The following FGFR2 variants were observed in gnomAD, a reference collection of about 807,000 sequenced individuals.
FGFR2 encodes fibroblast growth factor receptor 2, also known as BEK fibroblast growth factor receptor.
FGFR2 carries 19 observed loss-of-function variants against 95.9 expected under a neutral mutation model. The ratio of observed to expected loss-of-function variants is 0.20; its 90% confidence interval spans 0.14 to 0.29. The LOEUF is 0.29. Among genes scored for constraint, FGFR2 ranks in the 10% least tolerant of loss-of-function variants. The probability of loss-of-function intolerance (pLI) is 1.00; values close to 1 mark genes in which losing one functional copy is unlikely to be tolerated. For synonymous variants in FGFR2, 392 were observed against 393.3 expected (o/e 1.00, Z 0.04); for missense variants, 707 against 1,056.9 (o/e 0.67, Z 4.59).
rs781352732 is a variant in FGFR2, at chr10:121,500,820, G to A, written c.1561+6C>T. On this transcript the variant is annotated splice_donor_region_variant and intron_variant, in intron 11 of 17. Coordinates refer to ENST00000358487, the MANE Select transcript of FGFR2 (RefSeq NM_000141.5). ...CCCTCCCCGAGCCTCCCGCCTCCCC[G>A]CTCACCTTTCAACATCTTCACGGCC... The A allele has an allele frequency of 1.5e-5, 24 of 1,612,672 alleles. No individual in the cohort carries two copies. Among genetic ancestry groups the A allele is most frequent in the Admixed American group, 1.0e-4 (6 of 59,978 alleles).
At chr10:121,481,020 G>A (rs534480148) in intron 17 of FGFR2, among the ~76,000 whole-genome samples, 7 of 152,076 alleles carry the variant, frequency 4.6e-5, no homozygotes, top group Non-Finnish European at 7.4e-5. Context: ...AATTTTACTA[G>A]AAGACAGACT....
At chr10:121,590,411 T>C (rs908769407) in intron 2 of FGFR2, among the ~76,000 whole-genome samples, 2 of 152,180 alleles carry the variant, frequency 1.3e-5, no homozygotes, top group African/African-American at 4.8e-5. Flanking sequence ...ATCAACAGAA[T>C]AGTACTTGGC....
At chr10:121,544,968 C>A (rs1364019474) in intron 5 of FGFR2, among the ~76,000 whole-genome samples, 1 of 152,126 alleles carries the variant, frequency 6.6e-6, no homozygotes, top group Non-Finnish European at 1.5e-5. Flanking sequence ...CCAAGTGAGA[C>A]CCCGTCTCTA....
At position 121,565,061 on chromosome 10, in the gene FGFR2, G is replaced by A. The variant is rs1262948395; in HGVS notation, c.376+377C>T. Among the ~76,000 whole-genome samples the A allele has an allele frequency of 4.6e-5, 7 of 150,982 alleles. No homozygotes were observed. The East Asian group carries it at 1.2e-3, about 25-fold the overall frequency. On this transcript the variant is annotated intron_variant, in intron 3 of 17. Transcript: ENST00000358487. ...CCACAAAGGGGGCCTGTTCTGTCCCGCTCACTGCATAGAAGGAAATCATGG... is the reference window on the plus strand; with the variant it reads ...CCACAAAGGGGGCCTGTTCTGTCCCACTCACTGCATAGAAGGAAATCATGG...
intron 2 of FGFR2, among the ~76,000 whole-genome samples, chr10:121,577,158 A>AAAAAAAATATATATATAT (rs1554858932): frequency 1.4e-4 from 2 of 13,960 alleles, no homozygotes; most frequent in Non-Finnish European, 2.4e-4. Context: ...AAAAAAAAAA[A>AAAAAAAATATATATATAT]ATATATATAT....
chr10:121,562,574 C>A (rs567967484), intron 4 of FGFR2, among the ~76,000 whole-genome samples: 2 of 152,180 alleles, frequency 1.3e-5, no homozygotes. Flanking sequence ...GCGTGAGCAA[C>A]GGTGCCCAGC....
At chr10:121,539,236 T>C (rs1853324053) in intron 5 of FGFR2, among the ~76,000 whole-genome samples, 1 of 152,222 alleles carries the variant, frequency 6.6e-6, no homozygotes, top group East Asian at 1.9e-4. Flanking sequence ...TCAGATGTTG[T>C]CTGGATGTCT....
intron 10 of FGFR2, among the ~76,000 whole-genome samples, chr10:121,502,246 T>C (rs2134029787): frequency 6.6e-6 from 1 of 152,274 alleles, no homozygotes; most frequent in South Asian, 2.1e-4. Flanking sequence ...ACACACAAAC[T>C]AGGGCTGGCG....
At chr10:121,575,829 C>T (rs11200015) in intron 2 of FGFR2, among the ~76,000 whole-genome samples, 5,539 of 150,944 alleles carry the variant, frequency 0.037, 262 homozygotes, top group East Asian at 0.12. Context: ...GCACTCCAGC[C>T]GGGTGACAGA....
At chr10:121,564,324 T>C in intron 4 of FGFR2, 178 bp downstream of exon 4, 1 of 637,994 alleles carries the variant, frequency 1.6e-6, no homozygotes, top group South Asian at 1.8e-5. Context: ...TAGAGAAGGC[T>C]GTGCAGCAAC....
intron 6 of FGFR2, among the ~76,000 whole-genome samples, chr10:121,524,098 GTA>G (rs59114277): frequency 0.28 from 31,168 of 112,392 alleles, 3,715 homozygotes; most frequent in East Asian, 0.53. Context: ...TCCCGGCTAT[GTA>G]TACACACACA....
chr10:121,577,158 AAT>A (rs1859958046), intron 2 of FGFR2, among the ~76,000 whole-genome samples: 15 of 13,960 alleles, frequency 1.1e-3, no homozygotes, highest in African/African-American at 4.1e-3. Flanking sequence ...AAAAAAAAAA[AAT>A]ATATATATAT....
chr10:121,576,843 T>TA, intron 2 of FGFR2, among the ~76,000 whole-genome samples: 1 of 151,596 alleles, frequency 6.6e-6, no homozygotes, highest in East Asian at 2.0e-4. Context: ...GTGTTAAAGG[T>TA]ACAGACCAAG....
intron 2 of FGFR2, among the ~76,000 whole-genome samples, chr10:121,569,738 C>T (rs1418982487): frequency 1.3e-5 from 2 of 152,198 alleles, no homozygotes; most frequent in African/African-American, 2.4e-5. Context: ...TCAAGCCATC[C>T]TGTCTTCAAA....
At chr10:121,586,755 T>C (rs1226169373) in intron 2 of FGFR2, among the ~76,000 whole-genome samples, 3 of 152,248 alleles carry the variant, frequency 2.0e-5, no homozygotes, top group African/African-American at 4.8e-5. Flanking sequence ...CTTGAAGTTA[T>C]ATAAATAGAA....
chr10:121,540,478 G>A (rs141325179), intron 5 of FGFR2, among the ~76,000 whole-genome samples: 8 of 152,192 alleles, frequency 5.3e-5, no homozygotes, highest in Admixed American at 3.9e-4. Flanking sequence ...ATCTTCCAGC[G>A]CAATGAGAAT....
chr10:121,498,102 G>A (rs976065586), intron 12 of FGFR2, among the ~76,000 whole-genome samples: 2 of 152,224 alleles, frequency 1.3e-5, no homozygotes, highest in African/African-American at 4.8e-5. Context: ...ACAGCAAGAT[G>A]TGGATTCTTC....
intron 5 of FGFR2, among the ~76,000 whole-genome samples, chr10:121,550,647 G>A (rs757715275): frequency 6.6e-6 from 1 of 152,136 alleles, no homozygotes; most frequent in Admixed American, 6.5e-5. Context: ...TGCTCTGACA[G>A]GGAAACTATA....
At chr10:121,524,146 A>AC (rs1554933622) in intron 6 of FGFR2, among the ~76,000 whole-genome samples, 78 of 136,970 alleles carry the variant, frequency 5.7e-4, no homozygotes, top group Non-Finnish European at 6.2e-4. Context: ...ACACACACAC[A>AC]CCCCAAGTTT....
Sources: allele counts gnomAD v4.1 joint callset (sites outside exome capture counted in the v4.1 genomes callset), GRCh38; gene constraint gnomAD v4.1.1; transcripts MANE v1.5; gene names NCBI Gene and HGNC (gene_info 2026-07-23, HGNC 2026-07-21).